CTNNA3: variants seen among roughly 807,000 people sequenced by gnomAD.
CTNNA3 encodes catenin alpha 3.
A neutral mutation model predicts 95.7 loss-of-function variants in CTNNA3; 76 were observed. The observed-to-expected ratio is 0.79, with a 90% CI of 0.66 to 0.96. The LOEUF is 0.96. Among genes scored for constraint, CTNNA3 ranks in the 40% least tolerant of loss-of-function variants. The probability of loss-of-function intolerance (pLI) is 0.00; values close to 1 mark genes in which losing one functional copy is unlikely to be tolerated. For missense variants in CTNNA3, 1,191 were observed against 1,089.8 expected (o/e 1.09, Z -1.31); for synonymous variants, 431 against 374.4 (o/e 1.15, Z -1.74).
At chr10:67,037,094 G>C (rs1352756002) in intron 7 of CTNNA3, among the ~76,000 whole-genome samples, 1 of 152,118 alleles carries the variant, frequency 6.6e-6, no homozygotes, top group Non-Finnish European at 1.5e-5. Flanking sequence ...AGAGGCATTT[G>C]ACTGGGTGAG....
At chr10:66,787,873 T>C (rs1840811164) in intron 7 of CTNNA3, among the ~76,000 whole-genome samples, 1 of 152,212 alleles carries the variant, frequency 6.6e-6, no homozygotes. Context: ...CTGTAATTAA[T>C]GTTATTGAAC....
chr10:66,714,044 G>T (rs553924818), intron 9 of CTNNA3, among the ~76,000 whole-genome samples: 1 of 152,206 alleles, frequency 6.6e-6, no homozygotes, highest in East Asian at 1.9e-4. Context: ...GATCTACCTT[G>T]TAAGAGAGTA....
At chr10:66,194,758 G>A (rs1387520649) in intron 13 of CTNNA3, among the ~76,000 whole-genome samples, 1 of 152,054 alleles carries the variant, frequency 6.6e-6, no homozygotes, top group Admixed American at 6.6e-5. Context: ...TGAGACATGG[G>A]TCCTCACAGC....
At chr10:67,144,295 C>G (rs1455323700) in intron 7 of CTNNA3, among the ~76,000 whole-genome samples, 1 of 152,054 alleles carries the variant, frequency 6.6e-6, no homozygotes, top group East Asian at 1.9e-4. Flanking sequence ...ATTCAAGGGC[C>G]CCAGAATTTT....
intron 7 of CTNNA3, among the ~76,000 whole-genome samples, chr10:66,929,382 T>C (rs949856243): frequency 2.6e-5 from 4 of 152,218 alleles, no homozygotes; most frequent in Non-Finnish European, 5.9e-5. Context: ...TTTCCAGTTT[T>C]TTCGAAGACC....
At chr10:66,799,684 T>C (rs1294890208) in intron 7 of CTNNA3, among the ~76,000 whole-genome samples, 1 of 151,230 alleles carries the variant, frequency 6.6e-6, no homozygotes, top group African/African-American at 2.4e-5. Context: ...AAAATGAAAC[T>C]GAAAGCAATA....
intron 7 of CTNNA3, among the ~76,000 whole-genome samples, chr10:67,154,745 C>A (rs1281376296): frequency 6.6e-6 from 1 of 152,134 alleles, no homozygotes; most frequent in Non-Finnish European, 1.5e-5. Flanking sequence ...CTGTATGGCC[C>A]AGCATGACCC....
At chr10:67,224,991 C>T (rs529073054) in intron 5 of CTNNA3, among the ~76,000 whole-genome samples, 110 of 152,256 alleles carry the variant, frequency 7.2e-4, no homozygotes, top group African/African-American at 2.6e-3. Flanking sequence ...GTTCTCAAGC[C>T]CAGCTTGCCC....
intron 5 of CTNNA3, among the ~76,000 whole-genome samples, chr10:67,504,172 G>C (rs1482785557): frequency 7.2e-6 from 1 of 138,344 alleles, no homozygotes; most frequent in African/African-American, 2.7e-5. Context: ...AAAAAAAACA[G>C]GTCGGTGCCA....
intron 11 of CTNNA3, among the ~76,000 whole-genome samples, chr10:66,416,791 C>T (rs1268420604): frequency 2.6e-5 from 4 of 151,788 alleles, no homozygotes; most frequent in Non-Finnish European, 5.9e-5. Flanking sequence ...CTAGACTGAC[C>T]ATACAATAAA....
chr10:67,443,105 T>C (rs1004909432), intron 5 of CTNNA3, among the ~76,000 whole-genome samples: 1 of 149,734 alleles, frequency 6.7e-6, no homozygotes, highest in African/African-American at 2.5e-5. Flanking sequence ...TTCATCCATG[T>C]CCCTACAAAG....
intron 2 of CTNNA3, among the ~76,000 whole-genome samples, chr10:67,628,609 T>C (rs1839035971): frequency 6.6e-6 from 1 of 152,162 alleles, no homozygotes; most frequent in Non-Finnish European, 1.5e-5. Flanking sequence ...GGAAGAACTG[T>C]CAAATAACAA....
intron 9 of CTNNA3, among the ~76,000 whole-genome samples, chr10:66,666,590 A>G (rs1230621653): frequency 6.6e-6 from 1 of 152,056 alleles, no homozygotes; most frequent in Non-Finnish European, 1.5e-5. Context: ...AAATTTCTTC[A>G]TGTTGTGCCA....
intron 16 of CTNNA3, 25 bp downstream of exon 16, chr10:65,988,667 T>C (rs749379639): frequency 2.5e-6 from 4 of 1,576,174 alleles, no homozygotes; most frequent in African/African-American, 2.7e-5. Flanking sequence ...TGAACTTTTA[T>C]GATGTCCACT....
chr10:66,711,752 T>C (rs1433308830), intron 9 of CTNNA3, among the ~76,000 whole-genome samples: 1 of 152,044 alleles, frequency 6.6e-6, no homozygotes, highest in East Asian at 1.9e-4. Context: ...GGTTTCACCA[T>C]GTCTGGTCTC....
intron 1 of CTNNA3, among the ~76,000 whole-genome samples, chr10:67,691,890 G>C (rs903971133): frequency 2.0e-5 from 3 of 149,962 alleles, no homozygotes; most frequent in African/African-American, 7.3e-5. Flanking sequence ...AGGGAGGTGG[G>C]GGGGTCAGCC....
At chr10:67,068,863 C>A (rs1307635898) in intron 7 of CTNNA3, among the ~76,000 whole-genome samples, 2 of 151,974 alleles carry the variant, frequency 1.3e-5, no homozygotes. Context: ...AGTTCAAGAC[C>A]AGCCTGGCCA....
At chr10:67,421,434 T>C (rs1845746532) in intron 5 of CTNNA3, among the ~76,000 whole-genome samples, 7 of 152,226 alleles carry the variant, frequency 4.6e-5, no homozygotes, top group Admixed American at 3.9e-4. Flanking sequence ...GCATCTGCTC[T>C]AACATCCTCA....
chr10:66,464,129 C>G (rs547650405), intron 11 of CTNNA3, among the ~76,000 whole-genome samples: 1 of 151,968 alleles, frequency 6.6e-6, no homozygotes, highest in East Asian at 1.9e-4. Context: ...AGGCAAAATT[C>G]CATGAAATAA....
Sources: gnomAD v4.1 joint callset for allele counts (sites outside exome capture counted in the v4.1 genomes callset) on GRCh38, gnomAD v4.1.1 for gene constraint, MANE v1.5 for transcripts, NCBI Gene and HGNC (gene_info 2026-07-23, HGNC 2026-07-21) for gene names.